Variants in ARB2A observed in about 807,000 individuals in gnomAD.
ARB2A encodes ARB2 cotranscriptional regulator A.
At chr5:94,066,760 A>G in the ARB2A span, among the ~76,000 whole-genome samples, 1 of 152,222 alleles carries the variant, frequency 6.6e-6, no homozygotes, top group Non-Finnish European at 1.5e-5. Flanking sequence ...AAATGTCTAA[A>G]GAAAAACTAA....
At chr5:93,696,736 G>T in the ARB2A span, among the ~76,000 whole-genome samples, 1 of 152,016 alleles carries the variant, frequency 6.6e-6, no homozygotes, top group Non-Finnish European at 1.5e-5. Context: ...CACATTCATG[G>T]CTCTCCTCTC....
chr5:94,096,988 A>C, the ARB2A span, among the ~76,000 whole-genome samples: 10 of 152,172 alleles, frequency 6.6e-5, no homozygotes, highest in Non-Finnish European at 1.2e-4. Context: ...CCCCATGGAC[A>C]CTTGAGCTGG....
chr5:93,662,180 C>G, the ARB2A span, among the ~76,000 whole-genome samples: 3 of 152,150 alleles, frequency 2.0e-5, no homozygotes, highest in African/African-American at 7.2e-5. Flanking sequence ...AGGGTGAAAT[C>G]TAGTTCTTAC....
At chr5:94,033,323 C>A in the ARB2A span, among the ~76,000 whole-genome samples, 81 of 152,200 alleles carry the variant, frequency 5.3e-4, 4 homozygotes, top group East Asian at 0.012. Flanking sequence ...AAGGAGTGTG[C>A]CTTGAGTCTC....
At chr5:94,009,203 T>A in the ARB2A span, among the ~76,000 whole-genome samples, 1 of 152,026 alleles carries the variant, frequency 6.6e-6, no homozygotes, top group East Asian at 1.9e-4. Flanking sequence ...TTATTTACAA[T>A]AGTAATAAAG....
At chr5:93,835,100 C>T in the ARB2A span, among the ~76,000 whole-genome samples, 3 of 152,108 alleles carry the variant, frequency 2.0e-5, no homozygotes, top group Non-Finnish European at 2.9e-5. Flanking sequence ...TAGAATTCTG[C>T]TACATTCAGA....
the ARB2A span, among the ~76,000 whole-genome samples, chr5:93,984,348 A>G: frequency 6.6e-6 from 1 of 152,188 alleles, no homozygotes; most frequent in Non-Finnish European, 1.5e-5. Context: ...ATCTTTAGCC[A>G]CAGGTTATTT....
At chr5:93,998,717 C>A in the ARB2A span, among the ~76,000 whole-genome samples, 1 of 151,994 alleles carries the variant, frequency 6.6e-6, no homozygotes, top group Admixed American at 6.6e-5. Context: ...AACTAATGCA[C>A]CGTCAGTAAC....
chr5:94,030,301 T>C, the ARB2A span, among the ~76,000 whole-genome samples: 14 of 152,344 alleles, frequency 9.2e-5, no homozygotes, highest in South Asian at 2.9e-3. Context: ...AAAATCAAAG[T>C]ATCAGTCAGC....
At chr5:93,766,955 C>T in the ARB2A span, among the ~76,000 whole-genome samples, 15 of 149,980 alleles carry the variant, frequency 1.0e-4, no homozygotes, top group South Asian at 2.1e-4. Flanking sequence ...AACCAAACAC[C>T]GCATGTTCTC....
chr5:93,620,829 A>G, the ARB2A span: 1 of 961,596 alleles, frequency 1.0e-6, no homozygotes, highest in East Asian at 3.0e-5. Flanking sequence ...GCACTCATCT[A>G]GAAATAATGC....
chr5:93,660,165 T>G, the ARB2A span, among the ~76,000 whole-genome samples: 2 of 152,288 alleles, frequency 1.3e-5, no homozygotes, highest in Non-Finnish European at 2.9e-5. Context: ...TTTAGATGCA[T>G]TACTACATTG....
chr5:93,822,873 C>T, the ARB2A span, among the ~76,000 whole-genome samples: 1 of 151,950 alleles, frequency 6.6e-6, no homozygotes, highest in Admixed American at 6.6e-5. Flanking sequence ...ATTTATTGAT[C>T]TTAAGACAGC....
At chr5:93,654,903 C>G in the ARB2A span, among the ~76,000 whole-genome samples, 3 of 152,208 alleles carry the variant, frequency 2.0e-5, no homozygotes, top group African/African-American at 7.2e-5. Context: ...TATCACCACT[C>G]TGACTACTAC....
chr5:93,751,948 C>T, the ARB2A span, among the ~76,000 whole-genome samples: 255 of 152,144 alleles, frequency 1.7e-3, 1 homozygote, highest in Admixed American at 0.015. Flanking sequence ...GGCAAGTGAG[C>T]CCAGGCACAC....
the ARB2A span, among the ~76,000 whole-genome samples, chr5:94,069,010 C>T: frequency 2.0e-5 from 3 of 149,632 alleles, no homozygotes; most frequent in East Asian, 3.9e-4. Context: ...ACTCCAGCCT[C>T]GGCAACAATA....
At chr5:93,908,342 AG>A in the ARB2A span, among the ~76,000 whole-genome samples, 1 of 150,998 alleles carries the variant, frequency 6.6e-6, no homozygotes, top group Admixed American at 6.6e-5. Flanking sequence ...AAAATATATT[AG>A]TTTTATTAAA....
chr5:93,870,933 C>T, the ARB2A span, among the ~76,000 whole-genome samples: 1 of 152,114 alleles, frequency 6.6e-6, no homozygotes, highest in African/African-American at 2.4e-5. Flanking sequence ...CACTTGATTG[C>T]GTTTAGAGCT....
At chr5:93,975,057 G>A in the ARB2A span, among the ~76,000 whole-genome samples, 527 of 152,250 alleles carry the variant, frequency 3.5e-3, 2 homozygotes, top group Non-Finnish European at 5.5e-3. Context: ...GCTCATGCCT[G>A]TAATCCCAGC....
Sources: allele counts gnomAD v4.1 joint callset (sites outside exome capture counted in the v4.1 genomes callset), GRCh38; gene constraint gnomAD v4.1.1; transcripts MANE v1.5; gene names NCBI Gene and HGNC (gene_info 2026-07-23, HGNC 2026-07-21).